NCAM2: variants seen among roughly 807,000 people sequenced by gnomAD.
NCAM2 encodes neural cell adhesion molecule 2, also known as N-CAM-2.
A neutral mutation model predicts 98.1 loss-of-function variants in NCAM2; 30 were observed. That is an observed-to-expected ratio of 0.31 (90% CI 0.23 to 0.41). The LOEUF is 0.41. NCAM2 is among the 10% of genes least tolerant of loss of function. The probability of loss-of-function intolerance (pLI) is 1.00; values close to 1 mark genes in which losing one functional copy is unlikely to be tolerated. For synonymous variants in NCAM2, 368 were observed against 342.4 expected, an observed-to-expected ratio of 1.07 and a Z score of -0.83; for missense variants, 867 against 1,005.8, an observed-to-expected ratio of 0.86 and a Z score of 1.87.
chr21:21,535,208 A>G lies in NCAM2; in HGVS notation c.2402+552A>G, dbSNP rs886148522. On this transcript the variant is annotated intron_variant, in intron 17 of 17. Transcript: ENST00000400546. Reference sequence around the variant, plus strand: ...CATCTCTAATAGCTCTGTTAAAACTATAGTAGATATCAAAAGCTGAAAAGA... The same window carrying G: ...CATCTCTAATAGCTCTGTTAAAACTGTAGTAGATATCAAAAGCTGAAAAGA... 2.6e-5 allele frequency among the ~76,000 whole-genome samples: 4 copies of G among 152,106 alleles called. No individual in the cohort carries two copies. The South Asian group carries it at 6.2e-4, about 24-fold the overall frequency.
intron 1 of NCAM2, among the ~76,000 whole-genome samples, chr21:21,029,741 CT>C (rs2064634282): frequency 6.6e-6 from 1 of 152,102 alleles, no homozygotes; most frequent in African/African-American, 2.4e-5. Context: ...AGTGATCCCC[CT>C]GCCTTAGCCT....
At chr21:21,214,746 T>TATATATATATATATACATAC (rs11268201) in intron 1 of NCAM2, among the ~76,000 whole-genome samples, 1 of 100,608 alleles carries the variant, frequency 9.9e-6, no homozygotes, top group Non-Finnish European at 2.1e-5. Context: ...TATATATATA[T>TATATATATATATATACATAC]ACACTATATA....
chr21:21,506,293 A>G (rs1483479128), intron 15 of NCAM2, among the ~76,000 whole-genome samples: 1 of 152,170 alleles, frequency 6.6e-6, no homozygotes, highest in African/African-American at 2.4e-5. Context: ...CATATCTAAA[A>G]TGAATACATT....
intron 12 of NCAM2, among the ~76,000 whole-genome samples, chr21:21,444,047 G>A (rs1979713362): frequency 6.6e-6 from 1 of 152,116 alleles, no homozygotes; most frequent in Admixed American, 6.6e-5. Context: ...TTTTTAACAT[G>A]AAGGGATGTT....
intron 5 of NCAM2, among the ~76,000 whole-genome samples, chr21:21,320,132 A>G (rs1020895440): frequency 3.3e-5 from 5 of 152,156 alleles, no homozygotes; most frequent in Admixed American, 2.6e-4. Context: ...TACTATATTC[A>G]CAAATTAGGA....
intron 1 of NCAM2, among the ~76,000 whole-genome samples, chr21:21,118,339 GC>G (rs1282099987): frequency 1.3e-5 from 2 of 152,078 alleles, no homozygotes; most frequent in Non-Finnish European, 2.9e-5. Flanking sequence ...CAGCGGGGGG[GC>G]AGGCTATGAT....
chr21:21,331,662 C>A (rs191191198), intron 6 of NCAM2, among the ~76,000 whole-genome samples: 1 of 125,268 alleles, frequency 8.0e-6, no homozygotes, highest in East Asian at 2.4e-4. Flanking sequence ...CGATCTTGGC[C>A]CACTGCAACC....
At chr21:21,390,080 C>A (rs558637669) in intron 9 of NCAM2, among the ~76,000 whole-genome samples, 1 of 152,238 alleles carries the variant, frequency 6.6e-6, no homozygotes, top group African/African-American at 2.4e-5. Context: ...TATCTCTTGA[C>A]CTCATGATCC....
chr21:21,321,776 AC>A (rs371401924), intron 5 of NCAM2, among the ~76,000 whole-genome samples: 200 of 152,296 alleles, frequency 1.3e-3, no homozygotes, highest in African/African-American at 4.4e-3. Context: ...ACCATCTCAC[AC>A]CAGTCAGAAT....
At chr21:21,376,710 G>C (rs996532740) in intron 9 of NCAM2, among the ~76,000 whole-genome samples, 1 of 151,744 alleles carries the variant, frequency 6.6e-6, no homozygotes, top group Non-Finnish European at 1.5e-5. Context: ...TTCTAACAAA[G>C]TACAAGTTGC....
chr21:21,076,434 A>C (rs1458876534), intron 1 of NCAM2, among the ~76,000 whole-genome samples: 1 of 152,160 alleles, frequency 6.6e-6, no homozygotes, highest in Non-Finnish European at 1.5e-5. Flanking sequence ...TTTTTTAACT[A>C]TGTTCTTTTG....
chr21:21,507,032 G>T (rs958679058), intron 15 of NCAM2, among the ~76,000 whole-genome samples: 1 of 150,716 alleles, frequency 6.6e-6, no homozygotes, highest in Non-Finnish European at 1.5e-5. Context: ...ATCACAAATT[G>T]AATGATTTTT....
intron 1 of NCAM2, among the ~76,000 whole-genome samples, chr21:21,270,018 G>C (rs577020356): frequency 3.5e-4 from 54 of 152,238 alleles, no homozygotes; most frequent in African/African-American, 1.3e-3. Context: ...CCACATTGGG[G>C]AAGACAAAGC....
At chr21:21,120,789 G>C (rs1165882448) in intron 1 of NCAM2, among the ~76,000 whole-genome samples, 1 of 151,210 alleles carries the variant, frequency 6.6e-6, no homozygotes, top group Non-Finnish European at 1.5e-5. Context: ...CGCAATCTCG[G>C]CTCACTGCAA....
At chr21:21,326,287 A>C (rs1198374293) in intron 6 of NCAM2, among the ~76,000 whole-genome samples, 1 of 152,196 alleles carries the variant, frequency 6.6e-6, no homozygotes. Flanking sequence ...GTTTGATAGT[A>C]ATTTCAGATT....
At chr21:21,054,220 A>G (rs1568972581) in intron 1 of NCAM2, among the ~76,000 whole-genome samples, 1 of 152,006 alleles carries the variant, frequency 6.6e-6, no homozygotes, top group South Asian at 2.1e-4. Context: ...AATTTTTTCA[A>G]TAATGTTACA....
chr21:21,482,371 C>G (rs1488790449), intron 15 of NCAM2, among the ~76,000 whole-genome samples: 1 of 151,862 alleles, frequency 6.6e-6, no homozygotes, highest in Non-Finnish European at 1.5e-5. Context: ...AATATAAATT[C>G]AAACATATTA....
chr21:21,474,545 A>G (rs1370036741), intron 14 of NCAM2, among the ~76,000 whole-genome samples: 3 of 149,780 alleles, frequency 2.0e-5, no homozygotes, highest in African/African-American at 7.4e-5. Context: ...TTTTTGGCTT[A>G]TTTTCTGGCT....
intron 12 of NCAM2, among the ~76,000 whole-genome samples, chr21:21,452,258 TATAC>T (rs1385459744): frequency 1.5e-4 from 23 of 150,890 alleles, no homozygotes; most frequent in African/African-American, 5.3e-4. Context: ...TATATGTATA[TATAC>T]ATACATATTC....
Sources: gnomAD v4.1 joint callset for allele counts (sites outside exome capture counted in the v4.1 genomes callset) on GRCh38, gnomAD v4.1.1 for gene constraint, MANE v1.5 for transcripts, NCBI Gene and HGNC (gene_info 2026-07-23, HGNC 2026-07-21) for gene names.